The following HTR4 variants were observed in gnomAD, a reference collection of about 807,000 sequenced individuals.
The protein encoded by HTR4 is 5-hydroxytryptamine (serotonin) receptor 4, G protein-coupled.
A neutral mutation model predicts 36.8 loss-of-function variants in HTR4; 16 were observed. The ratio of observed to expected loss-of-function variants is 0.43; its 90% CI spans 0.29 to 0.66. The LOEUF is 0.66. HTR4 is among the 30% of genes least tolerant of loss of function. The probability of loss-of-function intolerance (pLI) is 0.13; values close to 1 mark genes in which losing one functional copy is unlikely to be tolerated. For missense variants in HTR4, 438 were observed against 490.9 expected (o/e 0.89, Z 1.02); for synonymous variants, 189 against 185.1 (o/e 1.02, Z -0.17).
chr5:148,543,554 CT>C (rs1419277183), intron 4 of HTR4, among the ~76,000 whole-genome samples: 2 of 152,170 alleles, frequency 1.3e-5, no homozygotes, highest in African/African-American at 4.8e-5. Context: ...TCAAATAAGT[CT>C]GCTTATTACA....
At chr5:148,629,713 T>C (rs1481295127) in intron 2 of HTR4, 1 of 152,218 alleles carries the variant, frequency 6.6e-6, no homozygotes, top group Non-Finnish European at 1.5e-5. Flanking sequence ...CAGATGCTTA[T>C]ATTAATGCCG....
At chr5:148,626,566 A>T (rs938398623) in intron 2 of HTR4, among the ~76,000 whole-genome samples, 1 of 152,226 alleles carries the variant, frequency 6.6e-6, no homozygotes. Context: ...AATACACAAC[A>T]GGTGATTTGC....
At chr5:148,634,934 A>G (rs1288196388) in intron 2 of HTR4, among the ~76,000 whole-genome samples, 1 of 152,164 alleles carries the variant, frequency 6.6e-6, no homozygotes, top group South Asian at 2.1e-4. Flanking sequence ...ATGCTTTTAA[A>G]ATAATAAAAT....
intron 6 of HTR4, among the ~76,000 whole-genome samples, chr5:148,496,333 T>C (rs922089699): frequency 6.6e-6 from 1 of 152,130 alleles, no homozygotes; most frequent in Admixed American, 6.5e-5. Context: ...TGCCAGATGA[T>C]TCTAATGTGA....
chr5:148,518,088 C>G (rs959912361), intron 5 of HTR4, among the ~76,000 whole-genome samples: 2 of 152,218 alleles, frequency 1.3e-5, no homozygotes, highest in African/African-American at 4.8e-5. Context: ...GTACAACTCC[C>G]CAACCTCCTT....
intron 2 of HTR4, among the ~76,000 whole-genome samples, chr5:148,580,800 G>T (rs1761103168): frequency 6.6e-6 from 1 of 151,890 alleles, no homozygotes; most frequent in South Asian, 2.1e-4. Flanking sequence ...GGTTATTTTG[G>T]CTACTCTGAA....
chr5:148,521,103 C>A, intron 5 of HTR4: 2 of 1,110,352 alleles, frequency 1.8e-6, no homozygotes, highest in Non-Finnish European at 2.4e-6. Flanking sequence ...CCGGGGACCA[C>A]TTCTACAGCA....
chr5:148,466,410 T>C (rs1232136654), intron 5 of HTR4, among the ~76,000 whole-genome samples: 1 of 152,206 alleles, frequency 6.6e-6, no homozygotes, highest in Non-Finnish European at 1.5e-5. Flanking sequence ...CATTTAACAA[T>C]ACAAACCGCT....
intron 4 of HTR4, among the ~76,000 whole-genome samples, chr5:148,531,897 C>A (rs1468924359): frequency 6.6e-6 from 1 of 152,106 alleles, no homozygotes; most frequent in Admixed American, 6.6e-5. Flanking sequence ...GGACATTTGA[C>A]AATGTCTGGA....
intron 2 of HTR4, among the ~76,000 whole-genome samples, chr5:148,625,620 C>T (rs1269806230): frequency 2.0e-5 from 3 of 152,020 alleles, no homozygotes; most frequent in East Asian, 3.9e-4. Flanking sequence ...CTTGCCTTGT[C>T]GCCAGGCTGG....
At chr5:148,452,244 A>G (rs745660216) in intron 5 of HTR4, among the ~76,000 whole-genome samples, 1 of 152,184 alleles carries the variant, frequency 6.6e-6, no homozygotes, top group African/African-American at 2.4e-5. Flanking sequence ...TTCATTTTAC[A>G]TGTGAGCAAA....
chr5:148,509,863 G>T lies in HTR4; in HGVS notation c.669C>A (p.Ala223=), dbSNP rs370731002. 6.8e-6 allele frequency: 11 copies of T among 1,613,982 alleles called. No homozygotes were observed. The highest frequency in any genetic ancestry group is 9.3e-6 in the Non-Finnish European group (11 of 1,179,994). Residue 223 remains alanine, a synonymous_variant, in exon 6 of 7, where the codon GCC becomes GCA. Transcript: ENST00000377888. Reference sequence around the variant, plus strand: ...CCCGTTGTAACATCTGGATCTGATGGGCATGCTCCTTAGCTGTGACATAGA... The same window carrying T: ...CCCGTTGTAACATCTGGATCTGATGTGCATGCTCCTTAGCTGTGACATAGA... The part of the protein sequence containing the change: ...YRIYVTAKEH[A]HQIQMLQRAG...
At chr5:148,454,017 C>T (rs1240316253) in intron 5 of HTR4, among the ~76,000 whole-genome samples, 1 of 152,212 alleles carries the variant, frequency 6.6e-6, no homozygotes, top group African/African-American at 2.4e-5. Flanking sequence ...CACAACTTTT[C>T]TCAGGCCCTG....
intron 1 of HTR4, among the ~76,000 whole-genome samples, 161 bp downstream of exon 1, chr5:148,653,901 A>G (rs1180959676): frequency 6.6e-6 from 1 of 151,552 alleles, no homozygotes; most frequent in African/African-American, 2.4e-5. Context: ...GCCCACCTAC[A>G]CCCTGAGCCG....
intron 5 of HTR4, among the ~76,000 whole-genome samples, chr5:148,454,514 TAGCC>T (rs909123361): frequency 2.6e-4 from 39 of 152,314 alleles, no homozygotes; most frequent in African/African-American, 8.9e-4. Flanking sequence ...GATGTACACA[TAGCC>T]TTAATGGCTT....
intron 2 of HTR4, among the ~76,000 whole-genome samples, chr5:148,620,199 CAG>C (rs745450796): frequency 3.9e-5 from 6 of 152,220 alleles, no homozygotes; most frequent in Non-Finnish European, 5.9e-5. Context: ...GAAGAAAAGT[CAG>C]AGGTTGAACC....
chr5:148,573,202 C>T (rs1331890909), intron 2 of HTR4, among the ~76,000 whole-genome samples: 2 of 152,076 alleles, frequency 1.3e-5, no homozygotes, highest in Non-Finnish European at 2.9e-5. Context: ...TCTTCTCATA[C>T]TACAACTACA....
At chr5:148,515,013 A>G (rs992926537) in intron 5 of HTR4, among the ~76,000 whole-genome samples, 7 of 152,092 alleles carry the variant, frequency 4.6e-5, no homozygotes, top group Non-Finnish European at 8.8e-5. Flanking sequence ...TCTTTAAATA[A>G]TTTAATATTT....
intron 5 of HTR4, among the ~76,000 whole-genome samples, chr5:148,458,629 C>T (rs1223330767): frequency 6.6e-6 from 1 of 152,072 alleles, no homozygotes; most frequent in African/African-American, 2.4e-5. Flanking sequence ...AGTAGGGGCT[C>T]ACCAAGCCAG....
Sources: allele counts gnomAD v4.1 joint callset (sites outside exome capture counted in the v4.1 genomes callset), GRCh38; gene constraint gnomAD v4.1.1; transcripts MANE v1.5; gene names NCBI Gene and HGNC (gene_info 2026-07-23, HGNC 2026-07-21).